Variants in ARHGAP8 observed in about 807,000 individuals in gnomAD.
ARHGAP8 encodes the protein rho GTPase-activating protein 8.
In ARHGAP8, 62 loss-of-function variants were observed where a neutral mutation model predicts 46.1. The ratio of observed to expected loss-of-function variants is 1.34; its 90% confidence interval spans 1.10 to 1.66. The LOEUF is 1.66. Ranked by LOEUF, ARHGAP8 falls within the 40% of genes most tolerant of loss-of-function variation. ARHGAP8 has a pLI of 0.00. For missense variants in ARHGAP8, 923 were observed against 568.4 expected, an observed-to-expected ratio of 1.62 and a Z score of -6.34; for synonymous variants, 375 against 243.1, an observed-to-expected ratio of 1.54 and a Z score of -5.05.
rs1388791205 is a variant in ARHGAP8, at chr22:44,786,697, C to T, written c.79+91C>T. 6.7e-6 allele frequency: 10 copies of T among 1,488,450 alleles called. No homozygotes were observed. In the South Asian group the frequency reaches 1.1e-4, roughly 16 times the overall value. 92.2% of individuals were successfully genotyped at this position (1,488,450 alleles called of 1,614,324 possible). A position where few individuals can be genotyped will look rare whatever the true frequency, so the allele number is the denominator to read the frequency against. ...GGCAAAGTGGGCTCGTCAGGGGCTG[C>T]CTCACTGCAGCTGGGCAAGATTGAA... is the stretch of plus-strand genomic sequence containing the variant. On this transcript the variant is annotated intron_variant, in intron 2 of 11. Coordinates refer to ENST00000356099, the MANE Select transcript of ARHGAP8 (RefSeq NM_181335.3).
At chr22:44,797,028 C>A (rs1355544376) in intron 2 of ARHGAP8, among the ~76,000 whole-genome samples, 1 of 152,088 alleles carries the variant, frequency 6.6e-6, no homozygotes, top group Non-Finnish European at 1.5e-5. Flanking sequence ...CCTCCCATTT[C>A]CCCCGGATCC....
At chr22:44,803,750 T>C (rs1362528895) in intron 3 of ARHGAP8, among the ~76,000 whole-genome samples, 1 of 113,680 alleles carries the variant, frequency 8.8e-6, no homozygotes, top group Non-Finnish European at 1.8e-5. Flanking sequence ...CCCTCTCCCA[T>C]GCACACACCC....
At chr22:44,783,273 G>T (rs1926978319) in intron 1 of ARHGAP8, among the ~76,000 whole-genome samples, 1 of 152,144 alleles carries the variant, frequency 6.6e-6, no homozygotes, top group Non-Finnish European at 1.5e-5. Flanking sequence ...TGCCTGCAGG[G>T]CTTTGCCACT....
chr22:44,787,919 C>CTTTTT (rs1194920444), intron 2 of ARHGAP8, among the ~76,000 whole-genome samples: 1 of 89,090 alleles, frequency 1.1e-5, no homozygotes, highest in Non-Finnish European at 2.4e-5. Context: ...CCCAAATGTC[C>CTTTTT]TTTTTTTTTT....
At chr22:44,766,606 T>C (rs1475924353) in intron 1 of ARHGAP8, among the ~76,000 whole-genome samples, 2 of 152,140 alleles carry the variant, frequency 1.3e-5, no homozygotes, top group South Asian at 4.1e-4. Flanking sequence ...GTGTAAGATA[T>C]GTGGAAAGTA....
Position 44,808,320 on chromosome 22 carries a change from A to G in ARHGAP8, c.181A>G (p.Thr61Ala), listed in dbSNP as rs1463543522. The G allele has an allele frequency of 1.2e-6, 2 of 1,613,962 alleles. 1 individual carries two copies. The highest frequency in any genetic ancestry group is 1.7e-6 in the Non-Finnish European group (2 of 1,179,892). ...TGTTGTGCCCAGGTATTTGAAGTAC[A>G]CACTGGACCAATACGTTGAGAACGA... is the stretch of plus-strand genomic sequence containing the variant. ...HQRLLEYLKYTLDQYVENDYT... is the reference protein window; with the variant it reads ...HQRLLEYLKYALDQYVENDYT... The change falls in exon 4 of 12, where the codon ACA becomes GCA. Residue 61 changes from threonine (T) to alanine (A), a missense_variant. By Grantham distance (58) the Thr-to-Ala change is moderately conservative. Transcript: ENST00000356099.
intron 4 of ARHGAP8, among the ~76,000 whole-genome samples, chr22:44,812,557 A>G (rs1350313422): frequency 6.6e-6 from 1 of 151,522 alleles, no homozygotes; most frequent in Admixed American, 6.6e-5. Flanking sequence ...GGTTTTCACC[A>G]TGTTGGCCAG....
chr22:44,755,587 A>T (rs1924604466), intron 1 of ARHGAP8, among the ~76,000 whole-genome samples: 1 of 152,158 alleles, frequency 6.6e-6, no homozygotes, highest in African/African-American at 2.4e-5. Flanking sequence ...GCTGCTCCGG[A>T]GTCCTGCCCC....
intron 4 of ARHGAP8, among the ~76,000 whole-genome samples, chr22:44,811,167 G>C (rs1258712326): frequency 6.6e-6 from 1 of 152,216 alleles, no homozygotes; most frequent in Non-Finnish European, 1.5e-5. Context: ...TAAGGAGTGG[G>C]TCACTCCCGC....
intron 7 of ARHGAP8, among the ~76,000 whole-genome samples, chr22:44,837,152 T>G (rs1330937252): frequency 6.6e-6 from 1 of 152,234 alleles, no homozygotes; most frequent in African/African-American, 2.4e-5. Context: ...CCCAAAGTGC[T>G]GGGATTACAG....
At chr22:44,798,349 G>A (rs915795350) in intron 2 of ARHGAP8, among the ~76,000 whole-genome samples, 1 of 152,046 alleles carries the variant, frequency 6.6e-6, no homozygotes, top group African/African-American at 2.4e-5. Context: ...GGGCTCAAGT[G>A]ATCCTCCCAT....
intron 1 of ARHGAP8, among the ~76,000 whole-genome samples, chr22:44,772,036 A>AT (rs1327532608): frequency 6.6e-6 from 1 of 151,884 alleles, no homozygotes; most frequent in Non-Finnish European, 1.5e-5. Flanking sequence ...TTAGCTGTAG[A>AT]TTTTTTGTAG....
At chr22:44,843,706 C>T (rs932695578) in intron 7 of ARHGAP8, among the ~76,000 whole-genome samples, 3 of 151,770 alleles carry the variant, frequency 2.0e-5, no homozygotes, top group African/African-American at 7.3e-5. Flanking sequence ...ATGCCTGTAG[C>T]CCCAGCTACT....
At chr22:44,773,972 T>C (rs1264027874) in intron 1 of ARHGAP8, among the ~76,000 whole-genome samples, 1 of 152,244 alleles carries the variant, frequency 6.6e-6, no homozygotes, top group Non-Finnish European at 1.5e-5. Flanking sequence ...GGTACCATGC[T>C]GGGCAATTGA....
intron 10 of ARHGAP8, among the ~76,000 whole-genome samples, chr22:44,857,564 T>C (rs2147187867): frequency 6.6e-6 from 1 of 151,158 alleles, no homozygotes; most frequent in East Asian, 1.9e-4. Context: ...GGAAGAAGAG[T>C]GGAGAGGCGT....
At position 44,858,734 on chromosome 22, in the gene ARHGAP8, T is replaced by TG. The variant is rs562188438; in HGVS notation, c.878-991dup. On this transcript the variant is annotated intron_variant, in intron 10 of 11. Transcript: ENST00000356099. ...TGGTAGATGTGGTTATAAGGGTAACTGGGGGGTCTCAGAGTGGGGGCCAGT... is the reference window on the plus strand; with the variant it reads ...TGGTAGATGTGGTTATAAGGGTAACTGGGGGGGTCTCAGAGTGGGGGCCAGT... Among the ~76,000 whole-genome samples, 379 of 119,212 alleles carry TG rather than the reference T, an allele frequency of 3.2e-3. 14 individuals carry two copies. Among genetic ancestry groups the TG allele is most frequent in the African/African-American group, 9.9e-3 (315 of 31,854 alleles). The allele number at this position is 119,212 out of a possible 152,430, so 78.2% of individuals were successfully genotyped here.
intron 10 of ARHGAP8, among the ~76,000 whole-genome samples, chr22:44,856,403 A>G (rs1342399665): frequency 6.6e-6 from 1 of 151,492 alleles, no homozygotes; most frequent in East Asian, 1.9e-4. Context: ...GCTCCCAAGT[A>G]TCTGGGATTA....
intron 1 of ARHGAP8, among the ~76,000 whole-genome samples, chr22:44,772,254 C>G (rs373045272): frequency 5.1e-4 from 16 of 31,466 alleles, no homozygotes; most frequent in African/African-American, 1.5e-3. Flanking sequence ...TTTTTTTTTT[C>G]AAGACTGAGT....
At chr22:44,827,336 G>GTTTTT (rs796490147) in intron 7 of ARHGAP8, among the ~76,000 whole-genome samples, 7,127 of 67,160 alleles carry the variant, frequency 0.11, 2,226 homozygotes, top group Non-Finnish European at 0.11. Context: ...TTGGGTGGTG[G>GTTTTT]TTTTTTTTTT....
Sources: gnomAD v4.1 joint callset for allele counts (sites outside exome capture counted in the v4.1 genomes callset) on GRCh38, gnomAD v4.1.1 for gene constraint, MANE v1.5 for transcripts, NCBI Gene and HGNC (gene_info 2026-07-23, HGNC 2026-07-21) for gene names.